VAV3: variants seen among roughly 807,000 people sequenced by gnomAD.
VAV3 encodes the protein guanine nucleotide exchange factor VAV3.
In VAV3, 94 loss-of-function variants were observed where a neutral mutation model predicts 131.2. The observed-to-expected ratio is 0.72, with a 90% CI of 0.61 to 0.85. The LOEUF is 0.85. VAV3 is among the 40% of genes least tolerant of loss of function. VAV3 has a pLI of 0.00. For synonymous variants in VAV3, 349 were observed against 342.0 expected (o/e 1.02, Z -0.22); for missense variants, 939 against 1,002.7 (o/e 0.94, Z 0.86).
chr1:107,688,638 T>C, intron 17 of VAV3: 2 of 1,105,744 alleles, frequency 1.8e-6, no homozygotes, highest in Non-Finnish European at 2.4e-6. Context: ...ACTTCTAGGT[T>C]ATGCTTAACT....
intron 1 of VAV3, among the ~76,000 whole-genome samples, chr1:107,961,016 C>G (rs533566067): frequency 6.6e-6 from 1 of 151,942 alleles, no homozygotes; most frequent in East Asian, 1.9e-4. Flanking sequence ...AATCCAAACC[C>G]CTTTAGGGCA....
chr1:107,704,417 T>C, intron 17 of VAV3, 133 bp downstream of exon 17: 1 of 630,060 alleles, frequency 1.6e-6, no homozygotes, highest in South Asian at 2.3e-5. Flanking sequence ...TTTCTAATTG[T>C]GCTTATAAAT....
chr1:107,740,027 C>T (rs890099082), intron 15 of VAV3, among the ~76,000 whole-genome samples: 6 of 152,242 alleles, frequency 3.9e-5, no homozygotes, highest in Admixed American at 2.0e-4. Flanking sequence ...TGGCTCACGC[C>T]TGAAATCCCA....
chr1:107,764,576 A>G, intron 9 of VAV3, among the ~76,000 whole-genome samples: 1 of 152,132 alleles, frequency 6.6e-6, no homozygotes, highest in Non-Finnish European at 1.5e-5. Context: ...CTGGAGTGCA[A>G]TGGTGCAACC....
At chr1:107,692,166 A>G (rs1389236256) in intron 17 of VAV3, among the ~76,000 whole-genome samples, 3 of 152,184 alleles carry the variant, frequency 2.0e-5, no homozygotes, top group Admixed American at 6.5e-5. Context: ...CATTACAACT[A>G]AAAAATGCTT....
At chr1:107,924,249 C>T (rs568157957) in intron 1 of VAV3, among the ~76,000 whole-genome samples, 1 of 152,262 alleles carries the variant, frequency 6.6e-6, no homozygotes, top group South Asian at 2.1e-4. Flanking sequence ...ATAAGTAAAT[C>T]TATGTCATCG....
rs368084503 is a variant in VAV3 at position 107,683,514 on chromosome 1, C to T, written c.1751G>A (p.Arg584Gln). The change falls in exon 19 of 27, where the codon CGA becomes CAA. Residue 584 changes from arginine to glutamine, a missense_variant. Coordinates refer to ENST00000370056, the MANE Select transcript of VAV3 (RefSeq NM_006113.5). ...KLPEKRTNGL[R>Q]RTPKQVDPGL... is the part of the protein sequence containing the mutation. Reference sequence around the variant, plus strand: ...TGGATCCACCTGTTTAGGAGTTCTTCGCAGTCCATTGGTCCGTTTCTGTGC... The same window carrying T: ...TGGATCCACCTGTTTAGGAGTTCTTTGCAGTCCATTGGTCCGTTTCTGTGC... 14 of 1,613,856 alleles carry T rather than the reference C, an allele frequency of 8.7e-6. No individual in the cohort carries two copies. Among genetic ancestry groups the T allele is most frequent in the East Asian group, 4.5e-5 (2 of 44,880 alleles).
At chr1:107,591,690 G>A (rs1558071700) in intron 25 of VAV3, among the ~76,000 whole-genome samples, 1 of 152,134 alleles carries the variant, frequency 6.6e-6, no homozygotes, top group Non-Finnish European at 1.5e-5. Flanking sequence ...AAAGTAGCAA[G>A]GAGAGCAAAA....
chr1:107,803,899 T>G (rs1243425859), intron 2 of VAV3, among the ~76,000 whole-genome samples: 2 of 152,092 alleles, frequency 1.3e-5, no homozygotes, highest in Non-Finnish European at 2.9e-5. Context: ...CCTTCAGATT[T>G]ACTAATGTTG....
At chr1:107,721,458 G>T (rs2101921855) in intron 15 of VAV3, among the ~76,000 whole-genome samples, 1 of 152,216 alleles carries the variant, frequency 6.6e-6, no homozygotes, top group African/African-American at 2.4e-5. Context: ...AGAAAATGAG[G>T]TATTCCCATG....
Position 107,911,051 on chromosome 1 carries a change from C to T in VAV3, c.205-36034G>A, listed in dbSNP as rs549853278. 1.9e-3 allele frequency among the ~76,000 whole-genome samples: 292 copies of T among 152,018 alleles called. 3 individuals carry two copies. Among genetic ancestry groups the T allele is most frequent in the African/African-American group, 6.9e-3 (288 of 41,484 alleles). On this transcript the variant is annotated intron_variant, in intron 1 of 26. Coordinates refer to ENST00000370056, the MANE Select transcript of VAV3 (RefSeq NM_006113.5). Reference sequence around the variant, plus strand: ...AGTCATAATCTCTCTCTATTCAACACCACCAGACAAATAAAATGTTACTCA... The same window carrying T: ...AGTCATAATCTCTCTCTATTCAACATCACCAGACAAATAAAATGTTACTCA...
At chr1:107,923,430 C>T (rs1210347832) in intron 1 of VAV3, among the ~76,000 whole-genome samples, 2 of 151,990 alleles carry the variant, frequency 1.3e-5, no homozygotes, top group Non-Finnish European at 2.9e-5. Flanking sequence ...ACAGAGCCTT[C>T]ATGAATGAAA....
rs1382569740 is a variant in VAV3 at position 107,612,196 on chromosome 1, AT to A, written c.1981-2232del. On this transcript the variant is annotated intron_variant, in intron 21 of 26. Coordinates refer to ENST00000370056, the MANE Select transcript of VAV3 (RefSeq NM_006113.5). ...TTTATATTGGTCTATATATATATATATAAATAAATATATATGTGTCTATTTA... is the reference window on the plus strand; with the variant it reads ...TTTATATTGGTCTATATATATATATAAAATAAATATATATGTGTCTATTTA... 6.6e-5 allele frequency among the ~76,000 whole-genome samples: 10 copies of A among 150,554 alleles called. No individual in the cohort carries two copies. In the East Asian group the frequency reaches 7.7e-4, roughly 12 times the overall value.
At chr1:107,804,631 T>C (rs1666976528) in intron 2 of VAV3, among the ~76,000 whole-genome samples, 1 of 152,208 alleles carries the variant, frequency 6.6e-6, no homozygotes, top group Non-Finnish European at 1.5e-5. Context: ...TTCTTTTTGA[T>C]ACTTTGTGCT....
intron 1 of VAV3, among the ~76,000 whole-genome samples, chr1:107,887,150 C>T (rs560549065): frequency 2.6e-5 from 4 of 152,348 alleles, no homozygotes; most frequent in Admixed American, 2.6e-4. Flanking sequence ...AAGCCCCAGG[C>T]TGCACCCTTT....
At chr1:107,831,372 G>C (rs905099102) in intron 2 of VAV3, among the ~76,000 whole-genome samples, 4 of 152,114 alleles carry the variant, frequency 2.6e-5, no homozygotes, top group African/African-American at 9.7e-5. Flanking sequence ...AAAAGAAAAG[G>C]CTATCAAAAT....
At chr1:107,715,940 T>C (rs967757589) in intron 15 of VAV3, among the ~76,000 whole-genome samples, 1 of 152,190 alleles carries the variant, frequency 6.6e-6, no homozygotes, top group African/African-American at 2.4e-5. Context: ...GGAATTAATG[T>C]GATCTAGAAG....
At chr1:107,822,640 G>GA (rs1170555357) in intron 2 of VAV3, among the ~76,000 whole-genome samples, 3 of 148,988 alleles carry the variant, frequency 2.0e-5, no homozygotes, top group Non-Finnish European at 3.0e-5. Context: ...GGGAGACAGC[G>GA]AGACTCCATC....
chr1:107,940,946 A>C (rs930536010), intron 1 of VAV3, among the ~76,000 whole-genome samples: 1 of 152,120 alleles, frequency 6.6e-6, no homozygotes, highest in Non-Finnish European at 1.5e-5. Flanking sequence ...AATATACTTC[A>C]ACATGGTTAA....
Sources: gnomAD v4.1 joint callset for allele counts (sites outside exome capture counted in the v4.1 genomes callset) on GRCh38, gnomAD v4.1.1 for gene constraint, MANE v1.5 for transcripts, NCBI Gene and HGNC (gene_info 2026-07-23, HGNC 2026-07-21) for gene names.